Variants in FGF14 observed in about 807,000 individuals in gnomAD.
FGF14 encodes the protein fibroblast growth factor 14, also known as fibroblast growth factor homologous factor 4.
In FGF14, 5 loss-of-function variants were observed where a neutral mutation model predicts 25.5. The ratio of observed to expected loss-of-function variants is 0.20; its 90% CI spans 0.10 to 0.41. FGF14 has a LOEUF of 0.41. Among genes scored for constraint, FGF14 ranks in the 10% least tolerant of loss-of-function variants. The pLI, the probability that FGF14 is intolerant of heterozygous loss-of-function variation, is 1.00. For synonymous variants in FGF14, 138 were observed against 118.3 expected (o/e 1.17, Z -1.08); for missense variants, 222 against 320.1 (o/e 0.69, Z 2.34).
At chr13:102,378,892 C>T (rs773526315) in intron 1 of FGF14, among the ~76,000 whole-genome samples, 15 of 151,980 alleles carry the variant, frequency 9.9e-5, no homozygotes, top group Non-Finnish European at 1.9e-4. Flanking sequence ...CATTTAGTGG[C>T]CTTTACACAG....
chr13:101,857,475 T>C (rs1225532218), intron 3 of FGF14, among the ~76,000 whole-genome samples: 1 of 151,998 alleles, frequency 6.6e-6, no homozygotes, highest in Non-Finnish European at 1.5e-5. Flanking sequence ...ACAAAACCCC[T>C]CAGAGATCTA....
At chr13:101,729,609 G>A (rs2035673755) in intron 3 of FGF14, among the ~76,000 whole-genome samples, 1 of 151,990 alleles carries the variant, frequency 6.6e-6, no homozygotes, top group African/African-American at 2.4e-5. Flanking sequence ...AAGGTAGTTG[G>A]GATGATTGAG....
rs57994075 is a variant in FGF14 at position 102,276,298 on chromosome 13, T to TACACACACACAC, written c.208+125161_208+125172dup. On this transcript the variant is annotated intron_variant, in intron 1 of 4. Transcript: ENST00000376131. The stretch of plus-strand genomic sequence containing the variant: ...AATCTCTGTCTTCCTAACTTGGAAA[T>TACACACACACAC]ACACACACACACACACACACACACA... 4.5e-3 allele frequency among the ~76,000 whole-genome samples: 536 copies of TACACACACACAC among 118,272 alleles called. 6 individuals carry two copies. Among genetic ancestry groups the TACACACACACAC allele is most frequent in the African/African-American group, 0.015 (459 of 30,388 alleles). 77.6% of individuals were successfully genotyped at this position (118,272 alleles called of 152,430 possible).
chr13:102,284,376 C>T (rs1464787450), intron 1 of FGF14, among the ~76,000 whole-genome samples: 3 of 152,046 alleles, frequency 2.0e-5, no homozygotes, highest in African/African-American at 2.4e-5. Flanking sequence ...GTAAATAAGG[C>T]AGAACCTAAT....
At chr13:101,932,756 T>TAAAA (rs869271842) in intron 1 of FGF14, among the ~76,000 whole-genome samples, 10 of 98,560 alleles carry the variant, frequency 1.0e-4, no homozygotes, top group Non-Finnish European at 2.0e-4. Flanking sequence ...AAAATTACAG[T>TAAAA]AAAAAAAAAA....
intron 3 of FGF14, among the ~76,000 whole-genome samples, chr13:101,854,470 G>C (rs1486293533): frequency 2.0e-5 from 3 of 152,060 alleles, no homozygotes; most frequent in Non-Finnish European, 4.4e-5. Flanking sequence ...ATTCTGACTT[G>C]TTCCTCATGT....
chr13:102,238,724 G>C (rs2051443609), intron 1 of FGF14, among the ~76,000 whole-genome samples: 3 of 152,282 alleles, frequency 2.0e-5, no homozygotes, highest in South Asian at 4.1e-4. Flanking sequence ...GAGCAAATTA[G>C]CTGGAGACTT....
chr13:101,921,010 T>G (rs2033961697), upstream of FGF14, among the ~76,000 whole-genome samples: 2 of 152,098 alleles, frequency 1.3e-5, no homozygotes, highest in Non-Finnish European at 2.9e-5. Flanking sequence ...ACTTTAAGTA[T>G]GTTGTTCCCT....
rs117358299 is a variant in FGF14 at position 102,209,942 on chromosome 13, T to C, written c.208+191529A>G. Among the ~76,000 whole-genome samples, 9 of 152,102 alleles carry C rather than the reference T, an allele frequency of 5.9e-5. No homozygotes were observed. In the East Asian group the frequency reaches 1.5e-3, roughly 26 times the overall value. ...TTCTCAGCACTTAAAACTATAAAAA[T>C]AAAAAATTAAAATACAATTAATATT... On this transcript the variant is annotated intron_variant, in intron 1 of 4. Coordinates refer to the FGF14 transcript ENST00000376131.
At chr13:101,949,334 C>T (rs564463828) in intron 1 of FGF14, among the ~76,000 whole-genome samples, 1 of 152,204 alleles carries the variant, frequency 6.6e-6, no homozygotes, top group African/African-American at 2.4e-5. Flanking sequence ...CATGGTGACA[C>T]AGTTCTGATG....
intron 1 of FGF14, among the ~76,000 whole-genome samples, chr13:102,000,942 G>T (rs1243237465): frequency 6.6e-6 from 1 of 152,122 alleles, no homozygotes; most frequent in Non-Finnish European, 1.5e-5. Context: ...AAAAGCCTGG[G>T]GAACAAAAGC....
chr13:101,907,261 T>C (rs2032358404), intron 1 of FGF14, among the ~76,000 whole-genome samples: 1 of 152,120 alleles, frequency 6.6e-6, no homozygotes, highest in Non-Finnish European at 1.5e-5. Flanking sequence ...GGTACCCGAA[T>C]ACCAACTGAG....
At chr13:102,124,244 A>G (rs2045856448) in intron 1 of FGF14, among the ~76,000 whole-genome samples, 1 of 152,164 alleles carries the variant, frequency 6.6e-6, no homozygotes, top group Non-Finnish European at 1.5e-5. Context: ...AAGAGAAAAG[A>G]GGAAAAATTA....
intron 1 of FGF14, among the ~76,000 whole-genome samples, chr13:101,906,815 T>C (rs1015859694): frequency 2.0e-5 from 3 of 152,102 alleles, no homozygotes; most frequent in African/African-American, 7.2e-5. Flanking sequence ...ATTACCTTAA[T>C]CATGTCTGTG....
At chr13:102,148,598 C>T (rs529299076) in intron 1 of FGF14, among the ~76,000 whole-genome samples, 89 of 152,274 alleles carry the variant, frequency 5.8e-4, no homozygotes, top group African/African-American at 2.0e-3. Flanking sequence ...TGCCTGAGCT[C>T]AGTAGCTCGC....
At chr13:101,764,283 T>C (rs2038240295) in intron 3 of FGF14, among the ~76,000 whole-genome samples, 1 of 152,214 alleles carries the variant, frequency 6.6e-6, no homozygotes, top group African/African-American at 2.4e-5. Context: ...GTTCACTGAT[T>C]TGCGTATGGC....
chr13:102,044,666 C>T (rs556792799), intron 1 of FGF14, among the ~76,000 whole-genome samples: 2 of 152,134 alleles, frequency 1.3e-5, no homozygotes, highest in Non-Finnish European at 2.9e-5. Context: ...AACCCATGAT[C>T]TCTCAAAGCC....
intron 1 of FGF14, among the ~76,000 whole-genome samples, chr13:102,182,864 C>T (rs542608039): frequency 1.3e-5 from 2 of 152,088 alleles, no homozygotes; most frequent in Non-Finnish European, 2.9e-5. Flanking sequence ...GAAACATATC[C>T]ATTCTTCCTA....
chr13:102,178,323 A>G (rs1299623717), intron 1 of FGF14, among the ~76,000 whole-genome samples: 1 of 152,152 alleles, frequency 6.6e-6, no homozygotes, highest in East Asian at 1.9e-4. Flanking sequence ...GACTTTGCTG[A>G]CTTAGGTCAC....
Sources: gnomAD v4.1 joint callset for allele counts (sites outside exome capture counted in the v4.1 genomes callset) on GRCh38, gnomAD v4.1.1 for gene constraint, MANE v1.5 for transcripts, NCBI Gene and HGNC (gene_info 2026-07-23, HGNC 2026-07-21) for gene names.